GALNT2: variants seen among roughly 807,000 people sequenced by gnomAD.
The protein encoded by GALNT2 is UDP-GalNAc:polypeptide N-acetylgalactosaminyltransferase 2.
GALNT2 carries 31 observed loss-of-function variants against 81.4 expected under a neutral mutation model. That is an observed-to-expected ratio of 0.38 (90% CI 0.29 to 0.51). The LOEUF is 0.51. Among genes scored for constraint, GALNT2 ranks in the 20% least tolerant of loss-of-function variants. The pLI is 0.87. For missense variants in GALNT2, 629 were observed against 765.7 expected (o/e 0.82, Z 2.11); for synonymous variants, 303 against 287.4 (o/e 1.05, Z -0.55).
intron 1 of GALNT2, among the ~76,000 whole-genome samples, chr1:230,072,846 T>C (rs574600406): frequency 1.3e-5 from 2 of 152,352 alleles, no homozygotes; most frequent in African/African-American, 4.8e-5. Flanking sequence ...TTGGACCCAC[T>C]TCTGTGCCTG....
chr1:230,194,181 A>C (rs1663615859), intron 2 of GALNT2, among the ~76,000 whole-genome samples: 1 of 152,216 alleles, frequency 6.6e-6, no homozygotes, highest in Admixed American at 6.5e-5. Flanking sequence ...GGTGTGATGA[A>C]GAGTATCAGT....
chr1:230,085,699 C>G (rs1659878540), intron 1 of GALNT2, among the ~76,000 whole-genome samples: 1 of 152,230 alleles, frequency 6.6e-6, no homozygotes, highest in Non-Finnish European at 1.5e-5. Flanking sequence ...CCGGGGCAGT[C>G]TACCTGTTTA....
intron 10 of GALNT2, 42 bp downstream of exon 10, chr1:230,250,602 G>C: frequency 6.8e-7 from 1 of 1,469,778 alleles, no homozygotes; most frequent in Admixed American, 1.9e-5. Flanking sequence ...AAGTGCCTCA[G>C]CTCTGCAAAA....
chr1:230,258,231 GT>G (rs971797547), intron 11 of GALNT2, among the ~76,000 whole-genome samples: 1 of 142,336 alleles, frequency 7.0e-6, no homozygotes, highest in Non-Finnish European at 1.5e-5. Flanking sequence ...AAACTTTTTG[GT>G]TTTTTTTCTT....
chr1:230,241,838 C>G (rs917846065), intron 6 of GALNT2, among the ~76,000 whole-genome samples: 1 of 152,222 alleles, frequency 6.6e-6, no homozygotes, highest in Non-Finnish European at 1.5e-5. Context: ...GAACTGAGAT[C>G]TTTACCAAGC....
chr1:230,059,666 G>T (rs190727915), intron 1 of GALNT2, among the ~76,000 whole-genome samples: 1 of 152,164 alleles, frequency 6.6e-6, no homozygotes, highest in African/African-American at 2.4e-5. Context: ...CATATTGCAT[G>T]TAAAACCACT....
At chr1:230,234,403 G>T (rs6700080) in intron 3 of GALNT2, among the ~76,000 whole-genome samples, 84,781 of 152,000 alleles carry the variant, frequency 0.56, 26,352 homozygotes, top group East Asian at 0.89. Flanking sequence ...TATCATTTTC[G>T]GAGCCCCAGC....
upstream of GALNT2, among the ~76,000 whole-genome samples, chr1:230,065,647 G>T (rs1270292418): frequency 6.6e-6 from 1 of 152,280 alleles, no homozygotes; most frequent in African/African-American, 2.4e-5. Flanking sequence ...GCATTTTGAG[G>T]CAGGGTTCCC....
At chr1:230,204,439 G>C (rs975075347) in intron 3 of GALNT2, among the ~76,000 whole-genome samples, 1 of 152,194 alleles carries the variant, frequency 6.6e-6, no homozygotes, top group Non-Finnish European at 1.5e-5. Context: ...AAAGTGCTGG[G>C]ATTACAGGCA....
intron 1 of GALNT2, among the ~76,000 whole-genome samples, chr1:230,174,795 C>A (rs1662906845): frequency 6.6e-6 from 1 of 152,282 alleles, no homozygotes; most frequent in South Asian, 2.1e-4. Flanking sequence ...GAATACAGGT[C>A]TCAGACTATC....
chr1:230,110,774 G>A (rs1470372058), intron 1 of GALNT2, among the ~76,000 whole-genome samples: 1 of 148,430 alleles, frequency 6.7e-6, no homozygotes, highest in Non-Finnish European at 1.5e-5. Flanking sequence ...AAAAGAGACT[G>A]GGAATGCAAA....
In GALNT2 at chr1:230,192,013, A is replaced by G. The variant is rs77899003; in HGVS notation, c.221-11124A>G. 7.8e-3 allele frequency among the ~76,000 whole-genome samples: 1,191 copies of G among 152,334 alleles called. 12 individuals carry two copies. The highest frequency in any genetic ancestry group is 0.027 in the African/African-American group (1,137 of 41,574). On this transcript the variant is annotated intron_variant, in intron 2 of 15. Transcript: ENST00000366672. ...TTCCTTCTGAGTCCAACAACAGGTG[A>G]TGCCAGTGTTTCAGAGACAGGAACA...
At chr1:230,194,049 A>T (rs960178571) in intron 2 of GALNT2, among the ~76,000 whole-genome samples, 2 of 152,226 alleles carry the variant, frequency 1.3e-5, no homozygotes, top group African/African-American at 4.8e-5. Context: ...TAAACCAGGA[A>T]AAAACAGATT....
intron 6 of GALNT2, among the ~76,000 whole-genome samples, chr1:230,242,467 G>A (rs1380163961): frequency 6.6e-6 from 1 of 152,058 alleles, no homozygotes; most frequent in African/African-American, 2.4e-5. Context: ...AGAAAGCCCA[G>A]CATATATAGC....
intron 3 of GALNT2, among the ~76,000 whole-genome samples, chr1:230,214,606 A>G (rs1664333374): frequency 6.6e-6 from 1 of 151,880 alleles, no homozygotes; most frequent in Non-Finnish European, 1.5e-5. Flanking sequence ...TCTTTTTTTC[A>G]GCAATTTTGC....
chr1:230,078,588 T>G (rs1348411922), intron 1 of GALNT2, among the ~76,000 whole-genome samples: 1 of 152,190 alleles, frequency 6.6e-6, no homozygotes, highest in Non-Finnish European at 1.5e-5. Flanking sequence ...AGATCCTGAC[T>G]TAGTACCTGT....
intron 2 of GALNT2, among the ~76,000 whole-genome samples, chr1:230,194,443 C>T (rs2102699509): frequency 6.6e-6 from 1 of 152,332 alleles, no homozygotes; most frequent in African/African-American, 2.4e-5. Flanking sequence ...TCTGCTCTGT[C>T]TCTCCAGGTC....
intron 1 of GALNT2, among the ~76,000 whole-genome samples, chr1:230,107,650 T>TGTG (rs1660583178): frequency 2.0e-5 from 2 of 99,776 alleles, no homozygotes; most frequent in Admixed American, 1.0e-4. Context: ...GTGTGGTTGG[T>TGTG]TGGTTGGTTT....
At chr1:230,143,276 C>T (rs1195625449) in intron 1 of GALNT2, among the ~76,000 whole-genome samples, 1 of 152,188 alleles carries the variant, frequency 6.6e-6, no homozygotes, top group Non-Finnish European at 1.5e-5. Context: ...TGTGAAAAAT[C>T]AGGGGAATCC....
Sources: allele counts gnomAD v4.1 joint callset (sites outside exome capture counted in the v4.1 genomes callset), GRCh38; gene constraint gnomAD v4.1.1; transcripts MANE v1.5; gene names NCBI Gene and HGNC (gene_info 2026-07-23, HGNC 2026-07-21).